Variants in SEPTIN14 observed in about 807,000 individuals in gnomAD.
SEPTIN14 encodes the protein septin-14.
Under a neutral mutation model 53.6 loss-of-function variants are expected in SEPTIN14, and 40 were observed. The ratio of observed to expected loss-of-function variants is 0.75; its 90% CI spans 0.58 to 0.97. SEPTIN14 has a LOEUF of 0.97. SEPTIN14 is among the 50% of genes least tolerant of loss of function. SEPTIN14 has a pLI of 0.00. For synonymous variants in SEPTIN14, 138 were observed against 166.8 expected (o/e 0.83, Z 1.33); for missense variants, 471 against 508.2 (o/e 0.93, Z 0.70).
At chr7:55,851,080 CA>C (rs894527149) in intron 2 of SEPTIN14, among the ~76,000 whole-genome samples, 1 of 150,110 alleles carries the variant, frequency 6.7e-6, no homozygotes, top group South Asian at 2.1e-4. Context: ...TCTTGTCTCA[CA>C]AAAAAAAAGC....
chr7:55,805,393 A>G lies in SEPTIN14; in HGVS notation c.987-3T>C, dbSNP rs759482654. ...TGGCTTCAAAGATTTCTTGAAAACTAAAGAGAAATGTTTTCTTAGTCTTAT... is the reference window on the plus strand; with the variant it reads ...TGGCTTCAAAGATTTCTTGAAAACTGAAGAGAAATGTTTTCTTAGTCTTAT... On this transcript the variant is annotated splice_region_variant and splice_polypyrimidine_tract_variant and intron_variant, in intron 8 of 9. Coordinates refer to ENST00000388975, the MANE Select transcript of SEPTIN14 (RefSeq NM_207366.3). 1 of 1,562,670 alleles carries G rather than the reference A, an allele frequency of 6.4e-7. No individual in the cohort carries two copies.
intron 7 of SEPTIN14, among the ~76,000 whole-genome samples, chr7:55,807,953 A>C (rs1788636890): frequency 6.6e-6 from 1 of 152,192 alleles, no homozygotes; most frequent in South Asian, 2.1e-4. Flanking sequence ...TTCATTAAAA[A>C]AATAACAATT....
At chr7:55,855,905 T>C (rs932111524) in intron 2 of SEPTIN14, among the ~76,000 whole-genome samples, 1 of 152,142 alleles carries the variant, frequency 6.6e-6, no homozygotes, top group African/African-American at 2.4e-5. Flanking sequence ...TTGTCCTTAT[T>C]TGGAAATCTG....
chr7:55,805,492 C>G (rs1243301860), intron 8 of SEPTIN14, 102 bp from the exon 9 acceptor site: 1 of 762,148 alleles, frequency 1.3e-6, no homozygotes, highest in African/African-American at 1.8e-5. Context: ...TGCCACTGCA[C>G]GTCAGCCTGG....
intron 6 of SEPTIN14, among the ~76,000 whole-genome samples, chr7:55,826,931 G>T (rs1156688174): frequency 1.3e-5 from 2 of 152,250 alleles, no homozygotes; most frequent in Non-Finnish European, 1.5e-5. Flanking sequence ...TTAGCATTCT[G>T]CAGTTGCCTG....
chr7:55,838,263 A>C (rs918101657), intron 5 of SEPTIN14, among the ~76,000 whole-genome samples: 2 of 152,182 alleles, frequency 1.3e-5, no homozygotes, highest in Non-Finnish European at 2.9e-5. Context: ...CTATATAACA[A>C]GCAGTAGCTG....
rs770490530 is a variant in SEPTIN14, at chr7:55,844,733, G to C, written c.176-15C>G. 2 of 1,471,056 alleles carry C rather than the reference G, an allele frequency of 1.4e-6. No homozygotes were observed. Among genetic ancestry groups the C allele is most frequent in the African/African-American group, 2.8e-5 (2 of 72,174 alleles). 91.1% of individuals were successfully genotyped at this position (1,471,056 alleles called of 1,614,324 possible). Reference sequence around the variant, plus strand: ...TCCAGTCTCCCCTGTAATAGACATAGAGTCATTGTCATAGGGACATAAAGG... The same window carrying C: ...TCCAGTCTCCCCTGTAATAGACATACAGTCATTGTCATAGGGACATAAAGG... On this transcript the variant is annotated splice_polypyrimidine_tract_variant and intron_variant, in intron 3 of 9. Transcript: ENST00000388975.
chr7:55,799,517 T>TA (rs1180866283), intron 9 of SEPTIN14, among the ~76,000 whole-genome samples: 2,593 of 54,102 alleles, frequency 0.048, 43 homozygotes, highest in Non-Finnish European at 0.061. Context: ...GACTCTTGTC[T>TA]CAAAAAAAAA....
chr7:55,831,218 TTAATG>T (rs1352174644), intron 6 of SEPTIN14, among the ~76,000 whole-genome samples: 4 of 151,794 alleles, frequency 2.6e-5, no homozygotes, highest in Admixed American at 6.6e-5. Flanking sequence ...AACAGACAGA[TTAATG>T]GAATGGAATA....
chr7:55,817,465 T>C (rs1157397246), intron 7 of SEPTIN14, among the ~76,000 whole-genome samples: 1 of 136,478 alleles, frequency 7.3e-6, no homozygotes, highest in Non-Finnish European at 1.5e-5. Context: ...ATATTTTATA[T>C]ATATATATAT....
intron 6 of SEPTIN14, among the ~76,000 whole-genome samples, chr7:55,820,824 C>T (rs1788880929): frequency 6.6e-6 from 1 of 151,974 alleles, no homozygotes; most frequent in Non-Finnish European, 1.5e-5. Flanking sequence ...CATGTAATCC[C>T]AGCTACTTGG....
At chr7:55,811,304 G>A (rs1788701564) in intron 7 of SEPTIN14, 12 of 512,076 alleles carry the variant, frequency 2.3e-5, no homozygotes, top group South Asian at 1.7e-4. Context: ...CAATTGGCTT[G>A]ATTCGTATTT....
At chr7:55,809,833 CTTT>C (rs542777992) in intron 7 of SEPTIN14, among the ~76,000 whole-genome samples, 82 of 111,988 alleles carry the variant, frequency 7.3e-4, no homozygotes, top group African/African-American at 2.4e-3. Flanking sequence ...AATGGCTTGT[CTTT>C]TTTTTTTTTT....
chr7:55,809,607 T>C (rs1294976912), intron 7 of SEPTIN14, among the ~76,000 whole-genome samples: 1 of 151,770 alleles, frequency 6.6e-6, no homozygotes, highest in Non-Finnish European at 1.5e-5. Flanking sequence ...TCCACGTGCC[T>C]CAGCCTGCCA....
chr7:55,806,082 T>C (rs1016453429), intron 8 of SEPTIN14, among the ~76,000 whole-genome samples: 8 of 152,052 alleles, frequency 5.3e-5, no homozygotes, highest in Admixed American at 3.3e-4. Context: ...CTGCAATCTC[T>C]GCTGCCCAGG....
intron 2 of SEPTIN14, among the ~76,000 whole-genome samples, chr7:55,848,838 A>C (rs940032728): frequency 3.4e-5 from 5 of 149,160 alleles, no homozygotes; most frequent in Non-Finnish European, 7.5e-5. Flanking sequence ...CGATCTCCTG[A>C]CCTCGTGATC....
intron 6 of SEPTIN14, among the ~76,000 whole-genome samples, chr7:55,830,207 T>C (rs1185727156): frequency 6.7e-6 from 1 of 150,108 alleles, no homozygotes; most frequent in Non-Finnish European, 1.5e-5. Flanking sequence ...GCATGTTTTT[T>C]TCTTTACTCC....
intron 5 of SEPTIN14, 101 bp from the exon 6 acceptor site, chr7:55,834,687 G>C (rs534079274): frequency 2.2e-6 from 2 of 910,982 alleles, no homozygotes; most frequent in South Asian, 1.7e-5. Flanking sequence ...TTGTCGCCCA[G>C]GCTGGAGTGC....
intron 9 of SEPTIN14, 39 bp downstream of exon 9, chr7:55,805,218 TA>T: frequency 1.9e-6 from 3 of 1,567,436 alleles, no homozygotes; most frequent in Non-Finnish European, 1.7e-6. Context: ...ATAGGGCACC[TA>T]AAAATTAATA....
Sources: gnomAD v4.1 joint callset for allele counts (sites outside exome capture counted in the v4.1 genomes callset) on GRCh38, gnomAD v4.1.1 for gene constraint, MANE v1.5 for transcripts, NCBI Gene and HGNC (gene_info 2026-07-23, HGNC 2026-07-21) for gene names.